Variants in OARD1 observed in about 807,000 individuals in gnomAD.
OARD1 encodes O-acyl-ADP-ribose deacylase 1.
OARD1 carries 19 observed loss-of-function variants against 19.7 expected under a neutral mutation model. The observed-to-expected ratio is 0.96, with a 90% confidence interval of 0.67 to 1.41. The LOEUF is 1.41. Among genes scored for constraint, OARD1 ranks in the 40% most tolerant of loss-of-function variants. The probability of loss-of-function intolerance (pLI) is 0.00; values close to 1 mark genes in which losing one functional copy is unlikely to be tolerated. For synonymous variants in OARD1, 70 were observed against 61.8 expected, an observed-to-expected ratio of 1.13 and a Z score of -0.62; for missense variants, 190 against 183.8, an observed-to-expected ratio of 1.03 and a Z score of -0.20.
chr6:41,090,903 A>G (rs1764182854), intron 1 of OARD1, among the ~76,000 whole-genome samples: 1 of 152,236 alleles, frequency 6.6e-6, no homozygotes, highest in South Asian at 2.1e-4. Flanking sequence ...TAGTTAAATC[A>G]AAAAAGGACA....
Position 41,071,219 on chromosome 6 carries a change from A to G in OARD1, c.97T>C (p.Cys33Arg), listed in dbSNP as rs775215623. The G allele has an allele frequency of 1.9e-6, 3 of 1,614,106 alleles. No homozygotes were observed. Among genetic ancestry groups the G allele is most frequent in the Non-Finnish European group, 2.5e-6 (3 of 1,179,914 alleles). Residue 33 changes from cysteine (C) to arginine (R), a missense_variant, in exon 3 of 6, where the codon TGT (cysteine) becomes CGT (arginine). Coordinates refer to ENST00000424266, the MANE Select transcript of OARD1 (RefSeq NM_001329686.2). ...ACPKTDSLAH[C>R]ISEDCRMGAG... is the part of the protein sequence containing the mutation. ...CCCATGCGACAATCCTCACTGATAC[A>G]GTGGGCTAAAGAGTCTGTTTTCGGG...
At chr6:41,077,646 C>G (rs1238337133) in intron 1 of OARD1, among the ~76,000 whole-genome samples, 3 of 152,198 alleles carry the variant, frequency 2.0e-5, no homozygotes, top group Non-Finnish European at 4.4e-5. Context: ...TACCCAGAAT[C>G]TCTGAGGAGC....
At chr6:41,072,999 A>T (rs1019700894), upstream of OARD1, 1 of 154,964 alleles carries the variant, frequency 6.5e-6, no homozygotes, top group African/African-American at 2.4e-5. Context: ...TGGCGGCGGC[A>T]GCGGCGGCTG....
chr6:41,083,333 A>G (rs182193644), intron 1 of OARD1, among the ~76,000 whole-genome samples: 2 of 152,366 alleles, frequency 1.3e-5, no homozygotes, highest in East Asian at 3.9e-4. Flanking sequence ...TGATAAAGCT[A>G]AAATAACCAT....
chr6:41,091,311 T>C (rs1206829152), intron 1 of OARD1, among the ~76,000 whole-genome samples: 1 of 152,230 alleles, frequency 6.6e-6, no homozygotes, highest in Non-Finnish European at 1.5e-5. Context: ...TACTCAAAAC[T>C]GGGACCTAGA....
At chr6:41,090,362 CT>C in intron 1 of OARD1, 1 of 1,085,778 alleles carries the variant, frequency 9.2e-7, no homozygotes, top group Non-Finnish European at 1.4e-6. Flanking sequence ...TTTTTTGTCC[CT>C]TAGACAACTG....
In OARD1 at chr6:41,094,428, C is replaced by T. The variant is rs530849463; in HGVS notation, c.-42+3285G>A. Reference sequence around the variant, plus strand: ...TGCATGAGTCTCGGCACCGTCATGCCATGGCACGGAAGCGTGGTGAAGGTG... The same window carrying T: ...TGCATGAGTCTCGGCACCGTCATGCTATGGCACGGAAGCGTGGTGAAGGTG... On this transcript the variant is annotated intron_variant, in intron 1 of 4. Transcript: ENST00000480585. 13 of 1,614,154 alleles carry T rather than the reference C, an allele frequency of 8.1e-6. No individual in the cohort carries two copies. In the Admixed American group the frequency reaches 2.0e-4, roughly 25 times the overall value.
intron 1 of OARD1, chr6:41,097,216 A>G (rs1764383129): frequency 7.0e-6 from 5 of 713,176 alleles, no homozygotes; most frequent in Non-Finnish European, 1.2e-5. Flanking sequence ...TAAGCCATGT[A>G]TGCAGACTTA....
At chr6:41,094,627 T>C (rs1475807936) in intron 1 of OARD1, 7 of 630,406 alleles carry the variant, frequency 1.1e-5, no homozygotes, top group Non-Finnish European at 1.7e-5. Context: ...GGATGCAATC[T>C]TATGTCTCTT....
rs77436031 is a variant in OARD1 at position 41,080,505 on chromosome 6, C to T, written c.-41-8830G>A. 4.0e-3 allele frequency among the ~76,000 whole-genome samples: 613 copies of T among 152,208 alleles called. 11 individuals carry two copies. In the South Asian group the frequency reaches 0.061, roughly 15 times the overall value. ...CTGAGGAGATAAAAAGGGCATTAAACAATTGTGTAAGTAGAAGTGTCAGAT... is the reference window on the plus strand; with the variant it reads ...CTGAGGAGATAAAAAGGGCATTAAATAATTGTGTAAGTAGAAGTGTCAGAT... On this transcript the variant is annotated intron_variant, in intron 1 of 4. Coordinates refer to the OARD1 transcript ENST00000480585.
In OARD1 at chr6:41,065,916, A is replaced by G. The variant is rs917832210; in HGVS notation, c.*1419T>C. 1.3e-5 allele frequency: 2 copies of G among 152,242 alleles called. No individual in the cohort carries two copies. The highest frequency in any genetic ancestry group is 2.9e-5 in the Non-Finnish European group (2 of 68,050). The allele number at this position is 152,242 out of a possible 1,614,324, so 9.4% of individuals were successfully genotyped here. ...TTAACTCTCAACACCACTGTAAGGG[A>G]AAACAAGAAAATGTCTAGTTTCCCG... On this transcript the variant is annotated 3_prime_UTR_variant, in exon 6 of 6. Coordinates refer to ENST00000424266, the MANE Select transcript of OARD1 (RefSeq NM_001329686.2).
intron 1 of OARD1, 129 bp from the exon 2 acceptor site, chr6:41,071,804 C>T: frequency 1.6e-6 from 1 of 607,580 alleles, no homozygotes. Context: ...TTGTTCGGCC[C>T]CTGGGACGTA....
intron 4 of OARD1, chr6:41,069,180 C>T (rs1763189825): frequency 2.8e-6 from 1 of 352,078 alleles, no homozygotes; most frequent in East Asian, 4.9e-5. Flanking sequence ...ACGTAGCAAT[C>T]TTTCCTTTTC....
intron 1 of OARD1, among the ~76,000 whole-genome samples, chr6:41,079,698 T>C (rs961675598): frequency 6.6e-6 from 1 of 152,248 alleles, no homozygotes; most frequent in Non-Finnish European, 1.5e-5. Flanking sequence ...CTTTCTTGAA[T>C]TTATACACAG....
In OARD1 at chr6:41,066,125, C is replaced by A. The variant is rs924546362; in HGVS notation, c.*1210G>T. Reference sequence around the variant, plus strand: ...CAAAAGTGGCCATCCCACTCCACCACCAAATTTTTTTTTTTAATTGAGATA... The same window carrying A: ...CAAAAGTGGCCATCCCACTCCACCAACAAATTTTTTTTTTTAATTGAGATA... On this transcript the variant is annotated 3_prime_UTR_variant, in exon 6 of 6. Transcript: ENST00000424266. 6.6e-6 allele frequency: 1 copy of A among 151,964 alleles called. No homozygotes were observed. The highest frequency in any genetic ancestry group is 1.5e-5 in the Non-Finnish European group (1 of 68,030). The allele number at this position is 151,964 out of a possible 1,614,324, so 9.4% of individuals were successfully genotyped here.
chr6:41,074,905 T>C (rs115646327), upstream of OARD1, among the ~76,000 whole-genome samples: 93 of 152,178 alleles, frequency 6.1e-4, no homozygotes, highest in African/African-American at 2.1e-3. Flanking sequence ...ATGTGAATCA[T>C]CTAGTGCATT....
chr6:41,078,835 C>T (rs927768964), intron 1 of OARD1, among the ~76,000 whole-genome samples: 7 of 152,130 alleles, frequency 4.6e-5, no homozygotes, highest in Admixed American at 2.0e-4. Flanking sequence ...ATTTTAGAAA[C>T]GTGAAAATAG....
chr6:41,071,858 G>A, intron 1 of OARD1, 183 bp from the exon 2 acceptor site: 2 of 538,348 alleles, frequency 3.7e-6, no homozygotes, highest in African/African-American at 1.9e-5. Flanking sequence ...GCTTAGGTTC[G>A]GAGGCTGTCT....
upstream of OARD1, among the ~76,000 whole-genome samples, chr6:41,077,136 A>C (rs1763755892): frequency 6.6e-6 from 1 of 152,222 alleles, no homozygotes; most frequent in African/African-American, 2.4e-5. Flanking sequence ...TAGTCAAGGA[A>C]AAAATCTCAT....
Sources: allele counts gnomAD v4.1 joint callset (sites outside exome capture counted in the v4.1 genomes callset), GRCh38; gene constraint gnomAD v4.1.1; transcripts MANE v1.5; gene names NCBI Gene and HGNC (gene_info 2026-07-23, HGNC 2026-07-21).